The following PPP2R2C variants were observed in gnomAD, a reference collection of about 807,000 sequenced individuals.
The protein encoded by PPP2R2C is protein phosphatase 2 regulatory subunit Bgamma, also known as protein phosphatase 2, regulatory subunit B, gamma.
Under a neutral mutation model 45.3 loss-of-function variants are expected in PPP2R2C, and 10 were observed. The observed-to-expected ratio is 0.22, with a 90% confidence interval of 0.14 to 0.37. The LOEUF is 0.37. Ranked by LOEUF, PPP2R2C falls within the 10% of genes least tolerant of loss-of-function variation. The pLI, the probability that PPP2R2C is intolerant of heterozygous loss-of-function variation, is 1.00. For synonymous variants in PPP2R2C, 257 were observed against 245.4 expected, an observed-to-expected ratio of 1.05 and a Z score of -0.44; for missense variants, 308 against 619.7, an observed-to-expected ratio of 0.50 and a Z score of 5.34.
chr4:6,553,473 CG>C (rs1280604349), intron 1 of PPP2R2C, among the ~76,000 whole-genome samples: 2 of 152,246 alleles, frequency 1.3e-5, no homozygotes, highest in Non-Finnish European at 2.9e-5. Context: ...CCACCAGCAA[CG>C]GTATCATTGA....
intron 1 of PPP2R2C, among the ~76,000 whole-genome samples, chr4:6,538,708 G>A (rs535332098): frequency 7.2e-5 from 11 of 152,338 alleles, no homozygotes; most frequent in East Asian, 5.8e-4. Flanking sequence ...CACGTGCTAC[G>A]TTCACGAAAG....
At chr4:6,411,806 C>G (rs1451170676) in intron 1 of PPP2R2C, among the ~76,000 whole-genome samples, 1 of 152,154 alleles carries the variant, frequency 6.6e-6, no homozygotes, top group Non-Finnish European at 1.5e-5. Context: ...CCCACCTCGG[C>G]CTCCCAAAGT....
chr4:6,352,116 T>C (rs1350847754), intron 5 of PPP2R2C, among the ~76,000 whole-genome samples: 1 of 152,046 alleles, frequency 6.6e-6, no homozygotes, highest in Non-Finnish European at 1.5e-5. Context: ...CTCCCCCGTG[T>C]GTAGACTTTG....
At chr4:6,511,499 C>T (rs796466683) in intron 2 of PPP2R2C, among the ~76,000 whole-genome samples, 70 of 5,626 alleles carry the variant, frequency 0.012, no homozygotes, top group African/African-American at 0.032. Context: ...GTGGTGATGG[C>T]GGTGATGGTG....
At chr4:6,435,521 T>C (rs1185268485) in intron 1 of PPP2R2C, among the ~76,000 whole-genome samples, 2 of 152,258 alleles carry the variant, frequency 1.3e-5, no homozygotes, top group African/African-American at 2.4e-5. Flanking sequence ...TTTTCATCTG[T>C]TACTTTCTTC....
intron 2 of PPP2R2C, among the ~76,000 whole-genome samples, chr4:6,505,462 T>A (rs1723193707): frequency 6.6e-6 from 1 of 152,186 alleles, no homozygotes; most frequent in African/African-American, 2.4e-5. Flanking sequence ...TATATCAATA[T>A]AATCCATTCG....
chr4:6,420,831 G>T, intron 1 of PPP2R2C: 1 of 636,428 alleles, frequency 1.6e-6, no homozygotes, highest in Non-Finnish European at 2.0e-6. Flanking sequence ...ATGACGGCTG[G>T]GACATGCCAG....
At chr4:6,373,130 G>A (rs1325862866) in intron 4 of PPP2R2C, among the ~76,000 whole-genome samples, 3 of 152,168 alleles carry the variant, frequency 2.0e-5, no homozygotes, top group Admixed American at 1.3e-4. Flanking sequence ...TCTGACCAAT[G>A]GGATGTGAGC....
intron 6 of PPP2R2C, among the ~76,000 whole-genome samples, chr4:6,338,681 C>T (rs1053789420): frequency 2.6e-5 from 4 of 152,166 alleles, no homozygotes; most frequent in African/African-American, 4.8e-5. Flanking sequence ...GCCTCACACA[C>T]GCAAGTTCCC....
At chr4:6,548,239 A>G (rs1484457667) in intron 1 of PPP2R2C, among the ~76,000 whole-genome samples, 1 of 151,848 alleles carries the variant, frequency 6.6e-6, no homozygotes, top group African/African-American at 2.4e-5. Context: ...AAGAAGAAGA[A>G]GAAGAAGAAG....
chr4:6,386,153 G>A lies in PPP2R2C; in HGVS notation c.71-5059C>T, dbSNP rs549400899. Among the ~76,000 whole-genome samples, 95 of 152,270 alleles carry A rather than the reference G, an allele frequency of 6.2e-4. 1 individual carries two copies. Among genetic ancestry groups the A allele is most frequent in the Middle Eastern group, 3.4e-3 (1 of 292 alleles). ...AACAAAATGACACTCTGAAGGCATC[G>A]GAGGGTGAGGCCGCAGCAGATGCTG... On this transcript the variant is annotated intron_variant, in intron 1 of 8. Coordinates refer to ENST00000382599, the MANE Select transcript of PPP2R2C (RefSeq NM_020416.4).
chr4:6,333,875 AC>A, intron 6 of PPP2R2C, 144 bp from the exon 7 acceptor site: 1 of 860,514 alleles, frequency 1.2e-6, no homozygotes. Flanking sequence ...CTAAACACTT[AC>A]CAGGGAACAA....
rs539132666 is a variant in PPP2R2C at position 6,348,608 on chromosome 4, G to A, written c.626-598C>T. The A allele has an allele frequency of 8.9e-5, 87 of 980,642 alleles. 1 individual carries two copies. The South Asian group carries it at 3.4e-3, about 38-fold the overall frequency. The allele number at this position is 980,642 out of a possible 1,614,324, so 60.7% of individuals were successfully genotyped here. A position where few individuals can be genotyped will look rare whatever the true frequency, so the allele number is the denominator to read the frequency against. ...TGGGTTTCTGGGTCGGCCCCACCTCGGCTCTGATCTGTGCTCTCCAGACCC... is the reference window on the plus strand; with the variant it reads ...TGGGTTTCTGGGTCGGCCCCACCTCAGCTCTGATCTGTGCTCTCCAGACCC... On this transcript the variant is annotated intron_variant, in intron 5 of 8. Coordinates refer to ENST00000382599, the MANE Select transcript of PPP2R2C (RefSeq NM_020416.4).
At chr4:6,398,204 G>A (rs1163090799) in intron 1 of PPP2R2C, among the ~76,000 whole-genome samples, 1 of 152,126 alleles carries the variant, frequency 6.6e-6, no homozygotes, top group African/African-American at 2.4e-5. Context: ...TTGCAACTTC[G>A]ATTTCTCAAG....
chr4:6,409,750 G>A (rs10015352), intron 1 of PPP2R2C, among the ~76,000 whole-genome samples: 27,555 of 152,064 alleles, frequency 0.18, 2,826 homozygotes, highest in South Asian at 0.31. Flanking sequence ...CAAGTCATGG[G>A]TGGAGCTGGG....
At chr4:6,430,546 C>T (rs1315164675) in intron 1 of PPP2R2C, among the ~76,000 whole-genome samples, 1 of 152,168 alleles carries the variant, frequency 6.6e-6, no homozygotes, top group Non-Finnish European at 1.5e-5. Context: ...CACGCCTCCT[C>T]GGTGCACGAG....
chr4:6,441,916 C>T (rs889649692), intron 1 of PPP2R2C, among the ~76,000 whole-genome samples: 1 of 152,188 alleles, frequency 6.6e-6, no homozygotes, highest in African/African-American at 2.4e-5. Context: ...GGCAGCTGTT[C>T]ACCACCGGCC....
At chr4:6,338,810 G>T (rs763380484) in intron 6 of PPP2R2C, among the ~76,000 whole-genome samples, 8 of 152,034 alleles carry the variant, frequency 5.3e-5, no homozygotes, top group Admixed American at 2.0e-4. Flanking sequence ...CCTGCCTCCC[G>T]TAGCCCCTGC....
chr4:6,385,632 C>T (rs1220059629), intron 1 of PPP2R2C, among the ~76,000 whole-genome samples: 2 of 152,068 alleles, frequency 1.3e-5, no homozygotes, highest in African/African-American at 4.8e-5. Flanking sequence ...TGCAGCGGTG[C>T]AATCTTGGCC....
Sources: gnomAD v4.1 joint callset for allele counts (sites outside exome capture counted in the v4.1 genomes callset) on GRCh38, gnomAD v4.1.1 for gene constraint, MANE v1.5 for transcripts, NCBI Gene and HGNC (gene_info 2026-07-23, HGNC 2026-07-21) for gene names.